The following MALRD1 variants were observed in gnomAD, a reference collection of about 807,000 sequenced individuals.
The protein encoded by MALRD1 is MAM and LDL-receptor class A domain-containing protein 1.
In MALRD1, 247 loss-of-function variants were observed where a neutral mutation model predicts 242.1. The observed-to-expected ratio is 1.02, with a 90% CI of 0.92 to 1.13. MALRD1 has a LOEUF of 1.13. Among genes scored for constraint, MALRD1 ranks in the 50% most tolerant of loss-of-function variants. The pLI, the probability that MALRD1 is intolerant of heterozygous loss-of-function variation, is 0.00. For synonymous variants in MALRD1, 995 were observed against 866.6 expected (o/e 1.15, Z -2.60); for missense variants, 2,989 against 2,533.1 (o/e 1.18, Z -3.86).
rs185300238 is a variant in MALRD1, at chr10:19,450,795, T to A, written c.5029+305T>A. 2.6e-5 allele frequency among the ~76,000 whole-genome samples: 4 copies of A among 152,282 alleles called. No individual in the cohort carries two copies. In the East Asian group the frequency reaches 7.7e-4, roughly 29 times the overall value. On this transcript the variant is annotated intron_variant, in intron 29 of 39. Transcript: ENST00000454679. Reference sequence around the variant, plus strand: ...CAAGACAGGCAGATTTGGTATCTGGTGAAGGCTCATTTGCTGGTTAATAGA... The same window carrying A: ...CAAGACAGGCAGATTTGGTATCTGGAGAAGGCTCATTTGCTGGTTAATAGA...
At chr10:19,593,345 A>G (rs1837916970) in intron 33 of MALRD1, among the ~76,000 whole-genome samples, 1 of 152,180 alleles carries the variant, frequency 6.6e-6, no homozygotes, top group African/African-American at 2.4e-5. Context: ...GGCTTTGGTC[A>G]TAGGGTCAGA....
intron 28 of MALRD1, among the ~76,000 whole-genome samples, chr10:19,404,660 C>T (rs1847012005): frequency 6.6e-6 from 1 of 151,974 alleles, no homozygotes; most frequent in Non-Finnish European, 1.5e-5. Flanking sequence ...CTTTGTTTTC[C>T]TAGACCTCTG....
At chr10:19,666,158 C>T (rs191988552) in intron 36 of MALRD1, among the ~76,000 whole-genome samples, 88 of 152,258 alleles carry the variant, frequency 5.8e-4, no homozygotes, top group African/African-American at 2.0e-3. Context: ...TGGCATCAGC[C>T]TCCTCACATT....
chr10:19,239,881 T>C (rs1365679117), intron 18 of MALRD1, among the ~76,000 whole-genome samples: 1 of 152,204 alleles, frequency 6.6e-6, no homozygotes, highest in South Asian at 2.1e-4. Flanking sequence ...GGCAGTGCCA[T>C]GCTGTTTTGC....
chr10:19,315,662 T>C (rs1842667145), intron 21 of MALRD1, among the ~76,000 whole-genome samples: 1 of 128,864 alleles, frequency 7.8e-6, no homozygotes, highest in Non-Finnish European at 1.6e-5. Context: ...ATATTATTTA[T>C]ATGACTATAG....
intron 18 of MALRD1, among the ~76,000 whole-genome samples, chr10:19,222,691 C>T (rs1419367275): frequency 6.6e-6 from 1 of 152,166 alleles, no homozygotes; most frequent in Admixed American, 6.6e-5. Context: ...TGAAATGTCT[C>T]TTCTGATCCA....
chr10:19,160,945 T>C (rs1313392877), intron 12 of MALRD1, among the ~76,000 whole-genome samples: 1 of 151,754 alleles, frequency 6.6e-6, no homozygotes, highest in Non-Finnish European at 1.5e-5. Flanking sequence ...TGAAGGGTTT[T>C]TTGTGTCTCT....
chr10:19,654,000 A>G (rs189721508), intron 36 of MALRD1, among the ~76,000 whole-genome samples: 31 of 152,342 alleles, frequency 2.0e-4, no homozygotes, highest in African/African-American at 6.5e-4. Flanking sequence ...TTTGTTAACA[A>G]TGAGCAGAGT....
At chr10:19,632,904 G>A (rs1039774265) in intron 36 of MALRD1, among the ~76,000 whole-genome samples, 1 of 152,076 alleles carries the variant, frequency 6.6e-6, no homozygotes, top group African/African-American at 2.4e-5. Context: ...CTCCATTGAG[G>A]CTATGAAAAG....
intron 28 of MALRD1, among the ~76,000 whole-genome samples, chr10:19,396,183 G>T (rs1846572156): frequency 7.0e-6 from 1 of 143,258 alleles, no homozygotes; most frequent in Non-Finnish European, 1.5e-5. Context: ...TGTCACCCTG[G>T]CTGAGGTGCA....
chr10:19,356,405 G>C (rs1481434036), intron 26 of MALRD1, among the ~76,000 whole-genome samples: 2 of 152,090 alleles, frequency 1.3e-5, no homozygotes, highest in African/African-American at 4.8e-5. Context: ...ATTTCCAATA[G>C]AGTCACAATG....
At chr10:19,513,187 G>A (rs1833479151) in intron 31 of MALRD1, among the ~76,000 whole-genome samples, 1 of 152,068 alleles carries the variant, frequency 6.6e-6, no homozygotes, top group Non-Finnish European at 1.5e-5. Context: ...TCATGAGGAT[G>A]GATTCCTCAT....
At chr10:19,600,079 G>A (rs535416467) in intron 34 of MALRD1, among the ~76,000 whole-genome samples, 7 of 152,120 alleles carry the variant, frequency 4.6e-5, no homozygotes, top group Non-Finnish European at 7.4e-5. Flanking sequence ...CTCCTTTCCA[G>A]TAGCGGTGGA....
chr10:19,113,406 C>G (rs963384618), intron 5 of MALRD1, among the ~76,000 whole-genome samples: 4 of 151,990 alleles, frequency 2.6e-5, no homozygotes, highest in African/African-American at 9.7e-5. Flanking sequence ...ACCTCTTTTC[C>G]TCTGCCCGAA....
chr10:19,299,616 C>T (rs554958133), intron 21 of MALRD1, among the ~76,000 whole-genome samples: 1 of 152,010 alleles, frequency 6.6e-6, no homozygotes, highest in East Asian at 1.9e-4. Context: ...GAACTAAAAC[C>T]AAAACCTACA....
At chr10:19,056,048 G>A (rs1834655892) in intron 1 of MALRD1, among the ~76,000 whole-genome samples, 1 of 152,078 alleles carries the variant, frequency 6.6e-6, no homozygotes, top group African/African-American at 2.4e-5. Flanking sequence ...TTCTGTTGGT[G>A]TATGTGTCTG....
chr10:19,612,865 C>T (rs1193067340), intron 35 of MALRD1, among the ~76,000 whole-genome samples: 1 of 151,954 alleles, frequency 6.6e-6, no homozygotes, highest in Non-Finnish European at 1.5e-5. Context: ...CTCCCATGAT[C>T]CAGTCACCTC....
intron 35 of MALRD1, among the ~76,000 whole-genome samples, chr10:19,610,847 T>C (rs1193964088): frequency 6.6e-6 from 1 of 151,962 alleles, no homozygotes; most frequent in African/African-American, 2.4e-5. Context: ...TTATGGTATA[T>C]AAGACACAAT....
At chr10:19,154,336 C>T (rs1258556603) in intron 11 of MALRD1, among the ~76,000 whole-genome samples, 2 of 152,154 alleles carry the variant, frequency 1.3e-5, no homozygotes, top group African/African-American at 4.8e-5. Flanking sequence ...AAATCACTCT[C>T]TGAATACGGT....
Sources: gnomAD v4.1 joint callset for allele counts (sites outside exome capture counted in the v4.1 genomes callset) on GRCh38, gnomAD v4.1.1 for gene constraint, MANE v1.5 for transcripts, NCBI Gene and HGNC (gene_info 2026-07-23, HGNC 2026-07-21) for gene names.